CFAP92: variants seen among roughly 807,000 people sequenced by gnomAD.
CFAP92 encodes the protein uncharacterized protein CFAP92.
In CFAP92, 86 loss-of-function variants were observed where a neutral mutation model predicts 106.3. The ratio of observed to expected loss-of-function variants is 0.81; its 90% CI spans 0.68 to 0.97. The LOEUF (loss-of-function observed/expected upper bound fraction) is 0.97, where lower values mean the gene tolerates loss of function less well. Ranked by LOEUF, CFAP92 falls within the 50% of genes least tolerant of loss-of-function variation. CFAP92 has a pLI of 0.00. For missense variants in CFAP92, 1,204 were observed against 1,283.8 expected (o/e 0.94, Z 0.95); for synonymous variants, 477 against 506.4 (o/e 0.94, Z 0.78).
chr3:128,928,979 C>T lies in CFAP92; in HGVS notation c.2751+3721G>A, dbSNP rs115519796. 4.7e-3 allele frequency among the ~76,000 whole-genome samples: 708 copies of T among 152,184 alleles called. 2 individuals carry two copies. The highest frequency in any genetic ancestry group is 0.016 in the African/African-American group (665 of 41,502). ...AAAATGGATAAATGATACAGATGGC[C>T]AGGCACAGTGACTCATAACTGTAAT... On this transcript the variant is annotated intron_variant, in intron 12 of 15. Coordinates refer to ENST00000645291, the MANE Select transcript of CFAP92 (RefSeq NM_001394090.1).
chr3:128,920,073 C>T (rs952631037), intron 12 of CFAP92, among the ~76,000 whole-genome samples: 10 of 152,124 alleles, frequency 6.6e-5, no homozygotes, highest in Non-Finnish European at 1.2e-4. Flanking sequence ...TAGAAACAGA[C>T]CCCAGGTAAT....
At chr3:128,931,650 G>C (rs1938408264) in intron 12 of CFAP92, among the ~76,000 whole-genome samples, 1 of 151,730 alleles carries the variant, frequency 6.6e-6, no homozygotes, top group Non-Finnish European at 1.5e-5. Context: ...TGAAGTTAAT[G>C]AATTAGAAAA....
intron 2 of CFAP92, among the ~76,000 whole-genome samples, chr3:128,992,211 G>A (rs1944257968): frequency 6.6e-6 from 1 of 152,164 alleles, no homozygotes; most frequent in African/African-American, 2.4e-5. Flanking sequence ...GCATTTTTGT[G>A]GCAATAGCTA....
upstream of CFAP92, chr3:128,994,093 G>A (rs1017433951): frequency 7.1e-6 from 7 of 985,804 alleles, no homozygotes; most frequent in Admixed American, 1.2e-4. Flanking sequence ...AGCGTCCGCC[G>A]GTGCAGGGAG....
In CFAP92 at chr3:128,915,372, G is replaced by C. The variant is rs1223176285; in HGVS notation, c.3108C>G (p.Ile1036Met). ...CCCTGTGGACCTCATTCAGCTCTTT[G>C]ATGGGTGGCAGCTTGAGATCCTGAA... ...SSFQDLKLPPIKELNEEWKEN... is the reference protein window; with the variant it reads ...SSFQDLKLPPMKELNEEWKEN... Residue 1036 changes from isoleucine (I) to methionine (M), a missense_variant, in exon 14 of 16, where the codon ATC becomes ATG. Physicochemically the swap from Ile to Met is conservative, Grantham distance 10. Transcript: ENST00000645291. 1 of 1,536,002 alleles carries C rather than the reference G, an allele frequency of 6.5e-7. No homozygotes were observed. Among genetic ancestry groups the C allele is most frequent in the Non-Finnish European group, 8.7e-7 (1 of 1,146,916 alleles).
upstream of CFAP92, among the ~76,000 whole-genome samples, chr3:128,994,959 C>A (rs1036576313): frequency 6.6e-6 from 1 of 152,100 alleles, no homozygotes; most frequent in Non-Finnish European, 1.5e-5. Context: ...GAATGGGTGG[C>A]GAGGCTGTAG....
chr3:128,996,061 C>T (rs1321402233), upstream of CFAP92, among the ~76,000 whole-genome samples: 1 of 152,152 alleles, frequency 6.6e-6, no homozygotes, highest in East Asian at 1.9e-4. Context: ...CTACCTCTGC[C>T]CTGTTCTTTT....
upstream of CFAP92, among the ~76,000 whole-genome samples, chr3:129,005,131 A>G (rs946184976): frequency 6.6e-6 from 1 of 152,202 alleles, no homozygotes; most frequent in African/African-American, 2.4e-5. Context: ...CCCAGGCATC[A>G]GGGATGTGAC....
chr3:128,999,633 G>A (rs1232027381), intron 1 of CFAP92, among the ~76,000 whole-genome samples: 3 of 146,632 alleles, frequency 2.0e-5, no homozygotes, highest in African/African-American at 7.8e-5. Context: ...CCGCCTCCCA[G>A]GTTCAAGCGA....
chr3:128,912,617 C>T (rs766491768), intron 15 of CFAP92: 1 of 1,611,138 alleles, frequency 6.2e-7, no homozygotes, highest in Admixed American at 1.7e-5. Context: ...AGGCAGGGGA[C>T]AGTGTCCCCT....
At chr3:128,994,484 T>G (rs547074652), upstream of CFAP92, among the ~76,000 whole-genome samples, 9 of 150,794 alleles carry the variant, frequency 6.0e-5, no homozygotes, top group African/African-American at 2.2e-4. Context: ...TCTCTGCTTC[T>G]GTCGCCGATG....
the CFAP92 span, among the ~76,000 whole-genome samples, chr3:129,026,586 A>C: frequency 1.3e-5 from 2 of 151,444 alleles, no homozygotes; most frequent in Non-Finnish European, 2.9e-5. Context: ...TTGATTACCA[A>C]CTCCCATCTT....
intron 3 of CFAP92, among the ~76,000 whole-genome samples, 168 bp downstream of exon 3, chr3:128,988,560 T>C (rs1452941094): frequency 6.6e-6 from 1 of 151,544 alleles, no homozygotes; most frequent in African/African-American, 2.4e-5. Context: ...AAAAAGTCAG[T>C]AATTGGAATG....
chr3:128,925,256 T>C (rs1937572101), intron 12 of CFAP92, among the ~76,000 whole-genome samples: 1 of 152,184 alleles, frequency 6.6e-6, no homozygotes, highest in Admixed American at 6.5e-5. Context: ...TAGAGTCTCA[T>C]AAGGAACATG....
At chr3:128,929,735 A>G (rs1298859431) in intron 12 of CFAP92, among the ~76,000 whole-genome samples, 2 of 152,256 alleles carry the variant, frequency 1.3e-5, no homozygotes, top group Non-Finnish European at 2.9e-5. Context: ...CTATCAAGAC[A>G]GAAAGTAGAT....
At chr3:128,937,604 CA>C (rs34770025) in intron 10 of CFAP92, among the ~76,000 whole-genome samples, 63,080 of 141,052 alleles carry the variant, frequency 0.45, 15,393 homozygotes, top group African/African-American at 0.69. Context: ...ACTCCATATC[CA>C]AAAAAAAAAA....
At chr3:128,930,181 C>T (rs922665192) in intron 12 of CFAP92, among the ~76,000 whole-genome samples, 8 of 151,972 alleles carry the variant, frequency 5.3e-5, no homozygotes, top group East Asian at 1.9e-4. Context: ...GATGGAGTCT[C>T]GCTCTGTCGC....
chr3:128,971,981 C>T (rs188154361), intron 7 of CFAP92, among the ~76,000 whole-genome samples: 47 of 152,298 alleles, frequency 3.1e-4, no homozygotes, highest in African/African-American at 1.0e-3. Context: ...TATAAATCTA[C>T]GGTCATCAAG....
chr3:128,968,580 C>G (rs1230542244), intron 8 of CFAP92: 1 of 102,980 alleles, frequency 9.7e-6, no homozygotes, highest in Admixed American at 9.5e-5. Context: ...ACCTGCACCC[C>G]CTGGGTCCCA....
Sources: gnomAD v4.1 joint callset for allele counts (sites outside exome capture counted in the v4.1 genomes callset) on GRCh38, gnomAD v4.1.1 for gene constraint, MANE v1.5 for transcripts, NCBI Gene and HGNC (gene_info 2026-07-23, HGNC 2026-07-21) for gene names.